Variants in SCHIP1 observed in about 807,000 individuals in gnomAD.
The protein encoded by SCHIP1 is schwannomin interacting protein 1, also known as schwannomin-interacting protein 1.
A neutral mutation model predicts 29.7 loss-of-function variants in SCHIP1; 8 were observed. That is an observed-to-expected ratio of 0.27 (90% CI 0.16 to 0.49). The LOEUF (loss-of-function observed/expected upper bound fraction) is 0.49. SCHIP1 is among the 20% of genes least tolerant of loss of function. The probability of loss-of-function intolerance (pLI) is 0.99; values close to 1 mark genes in which losing one functional copy is unlikely to be tolerated. For synonymous variants in SCHIP1, 76 were observed against 94.9 expected (o/e 0.80, Z 1.16); for missense variants, 193 against 294.6 (o/e 0.66, Z 2.52).
the SCHIP1 span, among the ~76,000 whole-genome samples, chr3:159,329,280 G>C: frequency 2.1e-3 from 313 of 152,310 alleles, 1 homozygote; most frequent in African/African-American, 7.3e-3. Flanking sequence ...TAAGCTATGA[G>C]TGAGAGGACT....
the SCHIP1 span, among the ~76,000 whole-genome samples, chr3:159,485,996 C>G: frequency 1.3e-5 from 2 of 152,088 alleles, no homozygotes; most frequent in African/African-American, 4.8e-5. Context: ...CTTTGGAACT[C>G]AAAAGTCTTA....
chr3:159,818,479 G>T, the SCHIP1 span, among the ~76,000 whole-genome samples: 1 of 152,224 alleles, frequency 6.6e-6, no homozygotes, highest in Non-Finnish European at 1.5e-5. Context: ...TCCTCCCCAG[G>T]AAGGGGCAGT....
the SCHIP1 span, among the ~76,000 whole-genome samples, chr3:159,714,587 A>T: frequency 8.5e-5 from 13 of 152,236 alleles, no homozygotes; most frequent in African/African-American, 3.1e-4. Flanking sequence ...ACGGCACACC[A>T]GGAGATTATA....
chr3:159,374,140 C>A, the SCHIP1 span, among the ~76,000 whole-genome samples: 1 of 151,964 alleles, frequency 6.6e-6, no homozygotes, highest in African/African-American at 2.4e-5. Flanking sequence ...TATATTCTGA[C>A]TGCATGTTTG....
chr3:159,400,019 T>G, the SCHIP1 span, among the ~76,000 whole-genome samples: 1 of 152,154 alleles, frequency 6.6e-6, no homozygotes, highest in East Asian at 1.9e-4. Flanking sequence ...AAACCAGAGA[T>G]TCTGCATGCT....
At chr3:159,467,250 T>C in the SCHIP1 span, among the ~76,000 whole-genome samples, 1 of 152,142 alleles carries the variant, frequency 6.6e-6, no homozygotes, top group African/African-American at 2.4e-5. Flanking sequence ...CATATACATA[T>C]AACAATTTAA....
chr3:159,592,333 AT>A, the SCHIP1 span, among the ~76,000 whole-genome samples: 3 of 151,958 alleles, frequency 2.0e-5, no homozygotes, highest in African/African-American at 4.8e-5. Context: ...ATTTGCCACA[AT>A]TTTTCCCCAC....
chr3:159,495,963 A>C, the SCHIP1 span, among the ~76,000 whole-genome samples: 3 of 152,328 alleles, frequency 2.0e-5, no homozygotes, highest in South Asian at 6.2e-4. Context: ...ATCTACAACT[A>C]CCTGATCTTT....
At chr3:159,358,098 A>G in the SCHIP1 span, among the ~76,000 whole-genome samples, 1 of 152,224 alleles carries the variant, frequency 6.6e-6, no homozygotes, top group Admixed American at 6.5e-5. Flanking sequence ...ATTAGAAGGC[A>G]CTTGGTTTAG....
chr3:159,276,408 A>C, the SCHIP1 span, among the ~76,000 whole-genome samples: 2 of 152,284 alleles, frequency 1.3e-5, no homozygotes, highest in Admixed American at 1.3e-4. Context: ...CTAACACTAC[A>C]AGGGGCACAG....
the SCHIP1 span, among the ~76,000 whole-genome samples, chr3:159,367,385 A>G: frequency 5.3e-3 from 802 of 151,116 alleles, 7 homozygotes; most frequent in Non-Finnish European, 8.5e-3. Context: ...CAACAAGACC[A>G]AAAACTCCAT....
the SCHIP1 span, among the ~76,000 whole-genome samples, chr3:159,450,957 C>T: frequency 2.0e-5 from 3 of 151,850 alleles, no homozygotes; most frequent in Admixed American, 6.6e-5. Context: ...TACAGGCACC[C>T]ACCACCACGC....
chr3:159,717,803 A>C, the SCHIP1 span, among the ~76,000 whole-genome samples: 1 of 152,250 alleles, frequency 6.6e-6, no homozygotes, highest in Non-Finnish European at 1.5e-5. Flanking sequence ...CCAGAGGTAC[A>C]AAGAGGAGCT....
chr3:159,893,202 A>T (rs952341219), intron 6 of SCHIP1: 2 of 152,260 alleles, frequency 1.3e-5, no homozygotes, highest in Non-Finnish European at 2.9e-5. Context: ...TGCTGGAAAA[A>T]TATGTTTAAG....
chr3:159,383,910 G>C, the SCHIP1 span, among the ~76,000 whole-genome samples: 1 of 151,504 alleles, frequency 6.6e-6, no homozygotes, highest in Non-Finnish European at 1.5e-5. Context: ...CTCTCTGTTT[G>C]TCTGTGATTG....
the SCHIP1 span, among the ~76,000 whole-genome samples, chr3:159,402,755 C>T: frequency 5.0e-3 from 757 of 151,884 alleles, 1 homozygote; most frequent in African/African-American, 0.017. Flanking sequence ...CACAGGAAGG[C>T]GAACATCACA....
chr3:159,575,022 G>T, the SCHIP1 span, among the ~76,000 whole-genome samples: 31 of 152,208 alleles, frequency 2.0e-4, no homozygotes, highest in Admixed American at 1.3e-4. Context: ...GCTTCCCTTG[G>T]CTAGGAAAAG....
chr3:159,687,531 C>CA, the SCHIP1 span, among the ~76,000 whole-genome samples: 5 of 152,062 alleles, frequency 3.3e-5, no homozygotes, highest in African/African-American at 7.2e-5. Flanking sequence ...CCCCACCCCA[C>CA]AAAAAAATTT....
the SCHIP1 span, among the ~76,000 whole-genome samples, chr3:159,770,137 T>C: frequency 6.6e-6 from 1 of 152,272 alleles, no homozygotes; most frequent in African/African-American, 2.4e-5. Context: ...AGTGGTTCGT[T>C]TGAACTCTTG....
Sources: gnomAD v4.1 joint callset for allele counts (sites outside exome capture counted in the v4.1 genomes callset) on GRCh38, gnomAD v4.1.1 for gene constraint, MANE v1.5 for transcripts, NCBI Gene and HGNC (gene_info 2026-07-23, HGNC 2026-07-21) for gene names.